Variants in ASB3 observed in about 807,000 individuals in gnomAD.
ASB3 encodes ankyrin repeat and SOCS box containing 3.
A neutral mutation model predicts 54.5 loss-of-function variants in ASB3; 41 were observed. The ratio of observed to expected loss-of-function variants is 0.75; its 90% CI spans 0.59 to 0.98. The LOEUF (loss-of-function observed/expected upper bound fraction) is 0.98, where lower values mean the gene tolerates loss of function less well. ASB3 is among the 50% of genes least tolerant of loss of function. The pLI, the probability that ASB3 is intolerant of heterozygous loss-of-function variation, is 0.00. For synonymous variants in ASB3, 266 were observed against 221.2 expected, an observed-to-expected ratio of 1.20 and a Z score of -1.80; for missense variants, 733 against 620.0, an observed-to-expected ratio of 1.18 and a Z score of -1.94.
chr2:53,714,286 C>T lies in ASB3; in HGVS notation c.980+98G>A, dbSNP rs1670266846. The T allele has an allele frequency of 4.9e-6, 7 of 1,441,510 alleles. No homozygotes were observed. In the South Asian group the frequency reaches 5.6e-5, roughly 12 times the overall value. 89.3% of individuals were successfully genotyped at this position (1,441,510 alleles called of 1,614,324 possible). On this transcript the variant is annotated intron_variant, in intron 7 of 9. Coordinates refer to ENST00000263634, the MANE Select transcript of ASB3 (RefSeq NM_016115.5). ...TTCCAAGATAGCAATTTAGCACTAACAGAGATACTAAGTTTCATCGTGAAA... is the reference window on the plus strand; with the variant it reads ...TTCCAAGATAGCAATTTAGCACTAATAGAGATACTAAGTTTCATCGTGAAA...
intron 1 of ASB3, among the ~76,000 whole-genome samples, chr2:53,786,108 C>G (rs1015818053): frequency 1.3e-5 from 2 of 152,128 alleles, no homozygotes; most frequent in Non-Finnish European, 2.9e-5. Context: ...GGTAATTTCT[C>G]TAAAGCCAAC....
chr2:53,680,023 T>C (rs1051445767), intron 9 of ASB3, among the ~76,000 whole-genome samples: 6 of 152,176 alleles, frequency 3.9e-5, no homozygotes, highest in African/African-American at 1.2e-4. Context: ...ATTAGTTTGC[T>C]AAGGATAATG....
chr2:53,749,152 C>T (rs1237226793), intron 3 of ASB3, among the ~76,000 whole-genome samples: 1 of 151,634 alleles, frequency 6.6e-6, no homozygotes, highest in African/African-American at 2.4e-5. Context: ...CGTCTAAATA[C>T]AAAAGTAATG....
intron 1 of ASB3, among the ~76,000 whole-genome samples, chr2:53,784,292 C>T (rs916963486): frequency 3.3e-5 from 5 of 152,154 alleles, no homozygotes; most frequent in East Asian, 3.9e-4. Context: ...AAGTGTAGCC[C>T]GACCACTTTG....
intron 1 of ASB3, among the ~76,000 whole-genome samples, chr2:53,784,107 A>AT (rs1320436971): frequency 6.6e-6 from 1 of 152,334 alleles, no homozygotes; most frequent in African/African-American, 2.4e-5. Flanking sequence ...GTAGAATTAC[A>AT]TTTTTTCTCT....
chr2:53,692,758 G>C (rs1053322044), intron 9 of ASB3, among the ~76,000 whole-genome samples: 1 of 152,068 alleles, frequency 6.6e-6, no homozygotes, highest in African/African-American at 2.4e-5. Context: ...TTGTTCCATA[G>C]TCTATCTGTT....
chr2:53,729,514 C>G lies in ASB3; in HGVS notation c.412G>C (p.Val138Leu). 1 of 1,613,962 alleles carries G rather than the reference C, an allele frequency of 6.2e-7. No individual in the cohort carries two copies. Among genetic ancestry groups the G allele is most frequent in the African/African-American group, 1.3e-5 (1 of 75,048 alleles). ...LRLLLQHGAN[V>L]NGSHSMCGWN... Reference sequence around the variant, plus strand: ...CCACACATAGAATGGGATCCATTAACATTTGCTCCGTGTTGAAGCAACAGC... The same window carrying G: ...CCACACATAGAATGGGATCCATTAAGATTTGCTCCGTGTTGAAGCAACAGC... Residue 138 changes from valine (V) to leucine (L), a missense_variant, in exon 4 of 10, where the codon GTT becomes CTT. Coordinates refer to ENST00000263634, the MANE Select transcript of ASB3 (RefSeq NM_016115.5).
chr2:53,683,194 G>A (rs141405080), intron 9 of ASB3, among the ~76,000 whole-genome samples: 50 of 152,218 alleles, frequency 3.3e-4, no homozygotes, highest in African/African-American at 8.7e-4. Flanking sequence ...AATTTTATCC[G>A]ATATTTTTTC....
At chr2:53,694,271 C>T (rs1285770109) in intron 8 of ASB3, 1 of 337,560 alleles carries the variant, frequency 3.0e-6, no homozygotes, top group Non-Finnish European at 5.4e-6. Context: ...AGAGTAGGAA[C>T]TTTCCTTCTC....
chr2:53,741,787 C>G (rs1292138631), intron 3 of ASB3, among the ~76,000 whole-genome samples: 3 of 152,052 alleles, frequency 2.0e-5, no homozygotes, highest in Non-Finnish European at 4.4e-5. Context: ...CATCCAAAAG[C>G]AATTAATCCA....
At chr2:53,777,746 G>A (rs1361145070) in intron 1 of ASB3, among the ~76,000 whole-genome samples, 1 of 152,154 alleles carries the variant, frequency 6.6e-6, no homozygotes, top group African/African-American at 2.4e-5. Flanking sequence ...ATAAGCTTTT[G>A]GAGGAAATAG....
chr2:53,672,595 T>G (rs950475555), intron 9 of ASB3, among the ~76,000 whole-genome samples: 1 of 152,172 alleles, frequency 6.6e-6, no homozygotes, highest in Admixed American at 6.5e-5. Flanking sequence ...TTAAAGCAGG[T>G]GACCACAACA....
In ASB3 at chr2:53,670,612, C is replaced by A; in HGVS notation, c.1448G>T (p.Ser483Ile). 1 of 1,614,006 alleles carries A rather than the reference C, an allele frequency of 6.2e-7. No homozygotes were observed. The highest frequency in any genetic ancestry group is 8.5e-7 in the Non-Finnish European group (1 of 1,179,970). ...SLKSERLRSDSYISQLPLPRS... is the reference protein window; with the variant it reads ...SLKSERLRSDIYISQLPLPRS... The stretch of plus-strand genomic sequence containing the variant: ...GGGAAGTGGCAGCTGACTAATATAA[C>A]TGTCAGACCGTAGACGTTCTGATTT... Residue 483 changes from serine to isoleucine, a missense_variant, in exon 10 of 10, where the codon AGT (serine) becomes ATT (isoleucine). Coordinates refer to ENST00000263634, the MANE Select transcript of ASB3 (RefSeq NM_016115.5).
intron 8 of ASB3, among the ~76,000 whole-genome samples, chr2:53,697,970 C>G (rs1274157281): frequency 1.3e-5 from 2 of 152,184 alleles, no homozygotes; most frequent in African/African-American, 4.8e-5. Flanking sequence ...CAGCCCTGCT[C>G]CCATGGGTCC....
intron 2 of ASB3, among the ~76,000 whole-genome samples, chr2:53,760,593 C>T (rs1444133195): frequency 6.6e-6 from 1 of 152,134 alleles, no homozygotes; most frequent in Non-Finnish European, 1.5e-5. Flanking sequence ...GATGGCTAGC[C>T]ACTGAAGAAG....
chr2:53,706,015 T>A lies in ASB3; in HGVS notation c.981-5487A>T, dbSNP rs138776857. 7.2e-3 allele frequency among the ~76,000 whole-genome samples: 1,098 copies of A among 152,228 alleles called. 13 individuals are homozygous for A. Among genetic ancestry groups the A allele is most frequent in the African/African-American group, 0.025 (1,056 of 41,524 alleles). On this transcript the variant is annotated intron_variant, in intron 7 of 9. Transcript: ENST00000263634. ...GACTCTCTCACCCAAAAAACTAGGG[T>A]TTTTTTAAGACAATAATTACAAATT...
chr2:53,731,944 C>T (rs1487478905), intron 3 of ASB3, among the ~76,000 whole-genome samples: 1 of 151,914 alleles, frequency 6.6e-6, no homozygotes, highest in Non-Finnish European at 1.5e-5. Flanking sequence ...TGAGCCATCA[C>T]ACTTGGCCCC....
chr2:53,744,405 T>C (rs901814356), intron 3 of ASB3, among the ~76,000 whole-genome samples: 1 of 148,492 alleles, frequency 6.7e-6, no homozygotes, highest in Non-Finnish European at 1.5e-5. Flanking sequence ...ATAAAAAAAT[T>C]AAAAAAAATA....
chr2:53,723,409 G>A (rs1413517134), intron 5 of ASB3, among the ~76,000 whole-genome samples: 2 of 151,994 alleles, frequency 1.3e-5, no homozygotes, highest in African/African-American at 2.4e-5. Context: ...GTGGTGATTT[G>A]TGAGATTCTG....
Sources: allele counts gnomAD v4.1 joint callset (sites outside exome capture counted in the v4.1 genomes callset), GRCh38; gene constraint gnomAD v4.1.1; transcripts MANE v1.5; gene names NCBI Gene and HGNC (gene_info 2026-07-23, HGNC 2026-07-21).